Variants in DIP2C observed in about 807,000 individuals in gnomAD.
DIP2C encodes disco-interacting protein 2 homolog C.
DIP2C carries 33 observed loss-of-function variants against 192.4 expected under a neutral mutation model. That is an observed-to-expected ratio of 0.17 (90% CI 0.13 to 0.23). The LOEUF (loss-of-function observed/expected upper bound fraction) is 0.23, where lower values mean the gene tolerates loss of function less well. Ranked by LOEUF, DIP2C falls within the 10% of genes least tolerant of loss-of-function variation. The pLI is 1.00. For synonymous variants in DIP2C, 979 were observed against 864.1 expected (o/e 1.13, Z -2.33); for missense variants, 1,537 against 2,110.1 (o/e 0.73, Z 5.32).
Position 521,323 on chromosome 10 carries a change from C to G in DIP2C, c.86-34793G>C, listed in dbSNP as rs80275342. 5.9e-4 allele frequency among the ~76,000 whole-genome samples: 90 copies of G among 152,300 alleles called. 2 individuals are homozygous for G. The East Asian group carries it at 0.017, about 28-fold the overall frequency. ...TCTGGAATGTGAGGATTACGAGCAGCCTGTGGATTCTGAGGTGCCTGAGTG... is the reference window on the plus strand; with the variant it reads ...TCTGGAATGTGAGGATTACGAGCAGGCTGTGGATTCTGAGGTGCCTGAGTG... On this transcript the variant is annotated intron_variant, in intron 1 of 36. Coordinates refer to ENST00000280886, the MANE Select transcript of DIP2C (RefSeq NM_014974.3).
chr10:568,569 C>G (rs1251287132), intron 1 of DIP2C, among the ~76,000 whole-genome samples: 1 of 151,824 alleles, frequency 6.6e-6, no homozygotes, highest in African/African-American at 2.4e-5. Flanking sequence ...AGATCGAGAC[C>G]ATCCTGGCTG....
chr10:349,762 G>A (rs1958701289), intron 24 of DIP2C, among the ~76,000 whole-genome samples: 1 of 152,090 alleles, frequency 6.6e-6, no homozygotes, highest in African/African-American at 2.4e-5. Flanking sequence ...ATTAAAAAAC[G>A]GTAGAACAAA....
intron 5 of DIP2C, among the ~76,000 whole-genome samples, chr10:419,740 A>C (rs1217264285): frequency 6.6e-6 from 1 of 152,192 alleles, no homozygotes; most frequent in Non-Finnish European, 1.5e-5. Context: ...TCTTCATAAA[A>C]GGGGGAGACA....
intron 17 of DIP2C, among the ~76,000 whole-genome samples, chr10:377,224 CT>C (rs1239832514): frequency 6.8e-6 from 1 of 146,592 alleles, no homozygotes; most frequent in Non-Finnish European, 1.5e-5. Context: ...ACTATATAAA[CT>C]TTTTTACAAA....
chr10:551,261 C>A (rs1425598291), intron 1 of DIP2C, among the ~76,000 whole-genome samples: 1 of 152,230 alleles, frequency 6.6e-6, no homozygotes, highest in African/African-American at 2.4e-5. Context: ...GCCCCCTCCT[C>A]CCCACAGCCC....
chr10:627,862 G>A (rs1384324026), intron 1 of DIP2C, among the ~76,000 whole-genome samples: 2 of 152,204 alleles, frequency 1.3e-5, no homozygotes, highest in East Asian at 1.9e-4. Context: ...ATTCAGCCTC[G>A]AACAGACCAC....
rs756618873 is a variant in DIP2C, at chr10:327,053, C to G, written c.3877G>C (p.Val1293Leu). Residue 1293 changes from valine to leucine, a missense_variant, in exon 31 of 37, where the codon GTC becomes CTC. By Grantham distance (32) the Val-to-Leu change is conservative. Transcript: ENST00000280886. ...ACCCTGCAACCGAACGAGGTGCTGACGGCCCGCGGGTGAAGGCCCAGGTCC... is the reference window on the plus strand; with the variant it reads ...ACCCTGCAACCGAACGAGGTGCTGAGGGCCCGCGGGTGAAGGCCCAGGTCC... ...FKDLGLHPRAVSTSFGCRVNL... is the reference protein window; with the variant it reads ...FKDLGLHPRALSTSFGCRVNL... 1 of 1,614,116 alleles carries G rather than the reference C, an allele frequency of 6.2e-7. No individual in the cohort carries two copies. Among genetic ancestry groups the G allele is most frequent in the African/African-American group, 1.3e-5 (1 of 75,046 alleles).
chr10:352,062 C>T (rs1958838829), intron 24 of DIP2C, among the ~76,000 whole-genome samples: 1 of 152,252 alleles, frequency 6.6e-6, no homozygotes, highest in Admixed American at 6.5e-5. Flanking sequence ...AGTCCATTCT[C>T]ATGCCAGGCC....
At chr10:390,122 G>A (rs1387564067) in intron 12 of DIP2C, 29 bp from the exon 13 acceptor site, 4 of 1,604,514 alleles carry the variant, frequency 2.5e-6, no homozygotes, top group Non-Finnish European at 3.4e-6. Context: ...TGAGGGAAGT[G>A]GGGCTGACAG....
intron 1 of DIP2C, among the ~76,000 whole-genome samples, chr10:491,924 TAGG>T (rs1455446789): frequency 6.6e-6 from 1 of 151,730 alleles, no homozygotes; most frequent in African/African-American, 2.4e-5. Context: ...AACCAGGGGC[TAGG>T]AAGAAGCTCA....
intron 17 of DIP2C, among the ~76,000 whole-genome samples, chr10:377,738 C>T (rs1019581897): frequency 1.3e-5 from 2 of 152,120 alleles, no homozygotes; most frequent in African/African-American, 2.4e-5. Flanking sequence ...CTTCTCCCTG[C>T]GGACACGTCT....
At chr10:331,433 CTG>C (rs1564566999) in intron 29 of DIP2C, among the ~76,000 whole-genome samples, 1 of 152,192 alleles carries the variant, frequency 6.6e-6, no homozygotes, top group African/African-American at 2.4e-5. Context: ...ACATAGCCCT[CTG>C]TGTCTGTGGG....
intron 1 of DIP2C, among the ~76,000 whole-genome samples, chr10:562,234 A>G (rs1849259066): frequency 6.6e-6 from 1 of 152,208 alleles, no homozygotes; most frequent in Admixed American, 6.5e-5. Context: ...ATCCACGTCA[A>G]AGGATTTTCC....
chr10:586,005 A>G (rs1327069611), intron 1 of DIP2C, among the ~76,000 whole-genome samples: 2 of 152,190 alleles, frequency 1.3e-5, no homozygotes, highest in Admixed American at 1.3e-4. Flanking sequence ...ACGGGCCTCA[A>G]GGAGACACAG....
In DIP2C at chr10:450,321, G is replaced by A. The variant is rs529960892; in HGVS notation, c.269-9325C>T. On this transcript the variant is annotated intron_variant, in intron 3 of 36. Coordinates refer to ENST00000280886, the MANE Select transcript of DIP2C (RefSeq NM_014974.3). The stretch of plus-strand genomic sequence containing the variant: ...GGACCCGACACAAGAGAGGTCCCAC[G>A]TAGACATTTGGCACTTGTCAGGATC... Among the ~76,000 whole-genome samples the A allele has an allele frequency of 3.9e-5, 6 of 152,288 alleles. No homozygotes were observed. The South Asian group carries it at 6.2e-4, about 16-fold the overall frequency.
intron 31 of DIP2C, among the ~76,000 whole-genome samples, chr10:316,614 C>T (rs1233282002): frequency 2.6e-5 from 4 of 152,182 alleles, no homozygotes; most frequent in Admixed American, 2.6e-4. Flanking sequence ...TTGGGCTGCC[C>T]TGGAGGGTAG....
At chr10:418,964 G>A (rs11252313) in intron 6 of DIP2C, 101 bp downstream of exon 6, 109,893 of 1,543,824 alleles carry the variant, frequency 0.071, 4,319 homozygotes, top group East Asian at 0.12. Context: ...TGTCAGAACC[G>A]ATTGTACCCC....
intron 29 of DIP2C, among the ~76,000 whole-genome samples, chr10:337,032 T>TG (rs1564574617): frequency 4.2e-5 from 2 of 47,140 alleles, no homozygotes; most frequent in African/African-American, 2.0e-4. Flanking sequence ...TGTGTGTGTG[T>TG]TGTGGAGGCC....
chr10:662,872 C>T (rs1342438989), intron 1 of DIP2C: 2 of 717,460 alleles, frequency 2.8e-6, no homozygotes, highest in Admixed American at 2.0e-5. Flanking sequence ...CCACACTCAG[C>T]AGCAGCCTAG....
Sources: gnomAD v4.1 joint callset for allele counts (sites outside exome capture counted in the v4.1 genomes callset) on GRCh38, gnomAD v4.1.1 for gene constraint, MANE v1.5 for transcripts, NCBI Gene and HGNC (gene_info 2026-07-23, HGNC 2026-07-21) for gene names.